The following RDH10 variants were observed in gnomAD, a reference collection of about 807,000 sequenced individuals.
RDH10 encodes retinol dehydrogenase 10, also known as retinol dehydrogenase 10 (all-trans).
RDH10 carries 12 observed loss-of-function variants against 30.2 expected under a neutral mutation model. The ratio of observed to expected loss-of-function variants is 0.40; its 90% CI spans 0.25 to 0.64. RDH10 has a LOEUF of 0.64. Among genes scored for constraint, RDH10 ranks in the 30% least tolerant of loss-of-function variants. The probability of loss-of-function intolerance (pLI) is 0.43; values close to 1 mark genes in which losing one functional copy is unlikely to be tolerated. For missense variants in RDH10, 268 were observed against 445.2 expected (o/e 0.60, Z 3.58); for synonymous variants, 189 against 172.2 (o/e 1.10, Z -0.76).
At chr8:73,309,136 G>T (rs1027178930) in intron 2 of RDH10, among the ~76,000 whole-genome samples, 1 of 152,056 alleles carries the variant, frequency 6.6e-6, no homozygotes, top group African/African-American at 2.4e-5. Context: ...TACCTAGGAA[G>T]ATGTCAGACC....
chr8:73,323,281 C>T lies in RDH10; in HGVS notation c.*245C>T, dbSNP rs1041019210. 2.7e-6 allele frequency: 1 copy of T among 369,080 alleles called. No individual in the cohort carries two copies. Among genetic ancestry groups the T allele is most frequent in the Admixed American group, 3.7e-5 (1 of 26,878 alleles). The allele number at this position is 369,080 out of a possible 1,614,324, so 22.9% of individuals were successfully genotyped here. ...GGCAGAACCCAGAAACCAGTCAAAT[C>T]TGTAGAGAAGCAGTGTGACATCTTC... On this transcript the variant is annotated 3_prime_UTR_variant, in exon 6 of 6. Transcript: ENST00000240285.
intron 2 of RDH10, among the ~76,000 whole-genome samples, chr8:73,303,428 T>C (rs1453345710): frequency 6.6e-6 from 1 of 152,224 alleles, no homozygotes; most frequent in Non-Finnish European, 1.5e-5. Flanking sequence ...TTGGCCAGTA[T>C]TTCTCCTTAC....
rs142143649 is a variant in RDH10 at position 73,324,693 on chromosome 8, A to C, written c.*1657A>C. ...GAATAGTGTTGGGAAACAGACATTA[A>C]CAACCTAGGGTGCCTGCACTCAAAT... On this transcript the variant is annotated 3_prime_UTR_variant, in exon 6 of 6. Coordinates refer to ENST00000240285, the MANE Select transcript of RDH10 (RefSeq NM_172037.5). 1 of 152,286 alleles carries C rather than the reference A, an allele frequency of 6.6e-6. No individual in the cohort carries two copies. Among genetic ancestry groups the C allele is most frequent in the East Asian group, 1.9e-4 (1 of 5,180 alleles). 9.4% of individuals were successfully genotyped at this position (152,286 alleles called of 1,614,324 possible).
In RDH10 at chr8:73,320,982, C is replaced by T; in HGVS notation, c.675C>T (p.Ser225=). The change falls in exon 4 of 6, where the codon AGC becomes AGT. Residue 225 remains serine, a synonymous_variant. Coordinates refer to ENST00000240285, the MANE Select transcript of RDH10 (RefSeq NM_172037.5). ...FGVVGFHESL[S]HELKAAEKDG... is the part of the protein sequence containing the mutation. ...TTGTGGGTTTTCATGAATCCCTGAG[C>T]CATGAACTAAAGGCTGCTGAAAAGG... is the stretch of plus-strand genomic sequence containing the variant. 1.2e-6 allele frequency: 2 copies of T among 1,613,926 alleles called. No homozygotes were observed. Among genetic ancestry groups the T allele is most frequent in the Non-Finnish European group, 8.5e-7 (1 of 1,179,882 alleles).
intron 4 of RDH10, 67 bp downstream of exon 4, chr8:73,321,144 T>G: frequency 7.6e-7 from 1 of 1,321,842 alleles, no homozygotes; most frequent in Non-Finnish European, 1.1e-6. Context: ...AACTGGACTT[T>G]CAAACATAAC....
intron 2 of RDH10, chr8:73,315,702 G>A: frequency 2.5e-6 from 1 of 404,440 alleles, no homozygotes; most frequent in Non-Finnish European, 5.1e-6. Context: ...GCTGGCTGGA[G>A]TTAGAGTGGA....
At chr8:73,303,248 A>G (rs1406202960) in intron 2 of RDH10, among the ~76,000 whole-genome samples, 3 of 152,214 alleles carry the variant, frequency 2.0e-5, no homozygotes, top group Non-Finnish European at 4.4e-5. Flanking sequence ...GTTGTACCTA[A>G]TATCTCATAA....
rs1378943551 is a variant in RDH10 at position 73,323,115 on chromosome 8, C to T, written c.*79C>T. On this transcript the variant is annotated 3_prime_UTR_variant, in exon 6 of 6. Coordinates refer to ENST00000240285, the MANE Select transcript of RDH10 (RefSeq NM_172037.5). ...GTCCAGTGCACATCAGCATTGCTGACATTTTATGGATTCTAAACTTGTGTT... is the reference window on the plus strand; with the variant it reads ...GTCCAGTGCACATCAGCATTGCTGATATTTTATGGATTCTAAACTTGTGTT... The T allele has an allele frequency of 1.8e-6, 2 of 1,117,426 alleles. No homozygotes were observed. Among genetic ancestry groups the T allele is most frequent in the African/African-American group, 3.1e-5 (2 of 64,392 alleles). The allele number at this position is 1,117,426 out of a possible 1,614,324, so 69.2% of individuals were successfully genotyped here.
chr8:73,303,201 T>TTTA (rs1814409340), intron 2 of RDH10, among the ~76,000 whole-genome samples: 1 of 152,194 alleles, frequency 6.6e-6, no homozygotes, highest in East Asian at 1.9e-4. Context: ...ACCAGCTAGA[T>TTTA]CTGAGTAATG....
chr8:73,303,999 C>A (rs1335560060), intron 2 of RDH10, among the ~76,000 whole-genome samples: 6 of 152,266 alleles, frequency 3.9e-5, no homozygotes, highest in African/African-American at 1.4e-4. Flanking sequence ...TAATTTCTAA[C>A]CTAAATGAAA....
At chr8:73,299,185 T>C (rs1814334223) in intron 2 of RDH10, among the ~76,000 whole-genome samples, 1 of 152,040 alleles carries the variant, frequency 6.6e-6, no homozygotes, top group Non-Finnish European at 1.5e-5. Flanking sequence ...CTTATATATG[T>C]TTTAAACAAG....
intron 4 of RDH10, chr8:73,322,037 G>A (rs1367131363): frequency 3.1e-5 from 14 of 455,778 alleles, no homozygotes; most frequent in Admixed American, 1.2e-4. Flanking sequence ...AGGGTCTTGC[G>A]GAGCTCTGTT....
chr8:73,297,700 C>T (rs527992136), intron 2 of RDH10: 34 of 315,668 alleles, frequency 1.1e-4, no homozygotes, highest in African/African-American at 6.7e-4. Flanking sequence ...AAAAATAACA[C>T]GAAGGAGCGT....
intron 2 of RDH10, among the ~76,000 whole-genome samples, chr8:73,299,239 G>A (rs1473355428): frequency 6.6e-6 from 1 of 152,216 alleles, no homozygotes; most frequent in Non-Finnish European, 1.5e-5. Context: ...CAGCTTGCCT[G>A]TAGGTGTGTG....
At position 73,322,695 on chromosome 8, in the gene RDH10, T is replaced by C; in HGVS notation, c.787T>C (p.Phe263Leu). Reference sequence around the variant, plus strand: ...AACTTTCAGGAAAGAAATTGAGCCTTTTCTGCCACCTCTGAAGCCTGATTA... The same window carrying C: ...AACTTTCAGGAAAGAAATTGAGCCTCTTCTGCCACCTCTGAAGCCTGATTA... ...GCRIRKEIEP[F>L]LPPLKPDYCV... Residue 263 changes from phenylalanine to leucine, a missense_variant, in exon 5 of 6, where the codon TTT becomes CTT. Transcript: ENST00000240285. 2 of 1,611,140 alleles carry C rather than the reference T, an allele frequency of 1.2e-6. No homozygotes were observed. The highest frequency in any genetic ancestry group is 1.7e-6 in the Non-Finnish European group (2 of 1,179,204).
chr8:73,316,486 T>C (rs1463033954), intron 2 of RDH10, among the ~76,000 whole-genome samples: 1 of 152,192 alleles, frequency 6.6e-6, no homozygotes, highest in African/African-American at 2.4e-5. Flanking sequence ...TAATAATTAC[T>C]GTCATAATTA....
chr8:73,319,277 T>C, intron 3 of RDH10, 83 bp downstream of exon 3: 2 of 900,346 alleles, frequency 2.2e-6, no homozygotes, highest in South Asian at 1.5e-5. Context: ...GAGCACCTGC[T>C]GCCCCTCCAT....
intron 1 of RDH10, among the ~76,000 whole-genome samples, chr8:73,296,767 C>T (rs1432538184): frequency 6.6e-6 from 1 of 152,100 alleles, no homozygotes; most frequent in Non-Finnish European, 1.5e-5. Context: ...AGTGAGTTTC[C>T]ATTTTGAGGG....
At chr8:73,309,549 G>C (rs1374167258) in intron 2 of RDH10, among the ~76,000 whole-genome samples, 1 of 150,420 alleles carries the variant, frequency 6.6e-6, no homozygotes, top group African/African-American at 2.4e-5. Context: ...ATGGTGGAGT[G>C]GTGGTTTGAA....
Sources: allele counts gnomAD v4.1 joint callset (sites outside exome capture counted in the v4.1 genomes callset), GRCh38; gene constraint gnomAD v4.1.1; transcripts MANE v1.5; gene names NCBI Gene and HGNC (gene_info 2026-07-23, HGNC 2026-07-21).